KHDRBS1: variants seen among roughly 807,000 people sequenced by gnomAD.
KHDRBS1 encodes the protein KH RNA binding domain containing, signal transduction associated 1, also known as KH domain-containing, RNA-binding, signal transduction-associated protein 1.
In KHDRBS1, 7 loss-of-function variants were observed where a neutral mutation model predicts 48.4. The ratio of observed to expected loss-of-function variants is 0.14; its 90% CI spans 0.08 to 0.27. The LOEUF is 0.27. Ranked by LOEUF, KHDRBS1 falls within the 10% of genes least tolerant of loss-of-function variation. The pLI, the probability that KHDRBS1 is intolerant of heterozygous loss-of-function variation, is 1.00. For synonymous variants in KHDRBS1, 241 were observed against 235.8 expected (o/e 1.02, Z -0.20); for missense variants, 458 against 601.2 (o/e 0.76, Z 2.49).
downstream of KHDRBS1, among the ~76,000 whole-genome samples, chr1:32,047,661 A>G (rs1639373104): frequency 6.6e-6 from 1 of 152,178 alleles, no homozygotes. Context: ...AGAGTTAGTA[A>G]GTATCTCATT....
rs1469912792 is a variant in KHDRBS1 at position 32,051,698 on chromosome 1, A to G, written n.1301+6308A>G. 3.9e-5 allele frequency among the ~76,000 whole-genome samples: 6 copies of G among 152,210 alleles called. No homozygotes were observed. In the South Asian group the frequency reaches 1.0e-3, roughly 26 times the overall value. On this transcript the variant is annotated intron_variant and non_coding_transcript_variant, in intron 10 of 10. Transcript: ENST00000484270. Reference sequence around the variant, plus strand: ...GGGTGGACACTTGGCAGTGACAGTTACTATTGAGGGAATACTCTGACCCTT... The same window carrying G: ...GGGTGGACACTTGGCAGTGACAGTTGCTATTGAGGGAATACTCTGACCCTT...
intron 1 of KHDRBS1, among the ~76,000 whole-genome samples, chr1:32,017,664 A>G (rs1018096925): frequency 3.6e-5 from 5 of 137,932 alleles, no homozygotes; most frequent in Non-Finnish European, 7.5e-5. Flanking sequence ...CTGGAGTGCA[A>G]TGGCGCGATC....
At chr1:32,021,903 A>G (rs2057595) in intron 1 of KHDRBS1, among the ~76,000 whole-genome samples, 6,720 of 151,484 alleles carry the variant, frequency 0.044, 487 homozygotes, top group African/African-American at 0.15. Flanking sequence ...TGCCTGCCTC[A>G]GCCTCCCAAA....
At chr1:32,058,441 A>C (rs761413904) in intron 10 of KHDRBS1, among the ~76,000 whole-genome samples, 8 of 152,156 alleles carry the variant, frequency 5.3e-5, no homozygotes, top group Non-Finnish European at 1.2e-4. Context: ...TTTGGTTTCC[A>C]ATTCACAGGG....
intron 8 of KHDRBS1, among the ~76,000 whole-genome samples, chr1:32,040,099 A>G (rs554785663): frequency 6.6e-6 from 1 of 152,262 alleles, no homozygotes; most frequent in South Asian, 2.1e-4. Context: ...AGCTAGCCAG[A>G]CCAGGTTGCG....
At chr1:32,055,143 C>T (rs1425722963) in intron 10 of KHDRBS1, among the ~76,000 whole-genome samples, 1 of 152,058 alleles carries the variant, frequency 6.6e-6, no homozygotes, top group Non-Finnish European at 1.5e-5. Context: ...TTCCAGATTC[C>T]TGAAGTTTAA....
At position 32,020,889 on chromosome 1, in the gene KHDRBS1, GTC is replaced by G. The variant is rs113312429; in HGVS notation, c.382+6514_382+6515del. Among the ~76,000 whole-genome samples, 617 of 152,242 alleles carry G rather than the reference GTC, an allele frequency of 4.1e-3. 7 individuals carry two copies. Among genetic ancestry groups the G allele is most frequent in the African/African-American group, 0.014 (582 of 41,560 alleles). On this transcript the variant is annotated intron_variant, in intron 1 of 8. Coordinates refer to ENST00000327300, the MANE Select transcript of KHDRBS1 (RefSeq NM_006559.3). The stretch of plus-strand genomic sequence containing the variant: ...CTTGACTGAGGTGGTGGTCACATGA[GTC>G]TGATTAAATTGCATAGAACTAAGCA...
At position 32,038,651 on chromosome 1, in the gene KHDRBS1, T is replaced by G. The variant is rs374668837; in HGVS notation, c.1175+32T>G. ...CAGGCAGTATAAGCACTGTTTTTTG[T>G]CCTGAGGATGGATGGAGGGAGTTGG... On this transcript the variant is annotated intron_variant, in intron 7 of 8. Coordinates refer to ENST00000327300, the MANE Select transcript of KHDRBS1 (RefSeq NM_006559.3). 2.5e-6 allele frequency: 4 copies of G among 1,601,030 alleles called. No homozygotes were observed. The Admixed American group carries it at 5.0e-5, about 20-fold the overall frequency.
Position 32,017,230 on chromosome 1 carries a change from C to T in KHDRBS1, c.382+2853C>T, listed in dbSNP as rs185019045. Among the ~76,000 whole-genome samples the T allele has an allele frequency of 1.5e-3, 233 of 151,720 alleles. 1 individual carries two copies. The highest frequency in any genetic ancestry group is 5.3e-3 in the African/African-American group (220 of 41,324). On this transcript the variant is annotated intron_variant, in intron 1 of 8. Transcript: ENST00000327300. ...CCCAGATTGCACCATTGCACTCCAG[C>T]CTGGGTGAAGAAGCAAGACTCCGTC...
chr1:32,025,388 C>T (rs1444915409), intron 1 of KHDRBS1, among the ~76,000 whole-genome samples: 1 of 149,968 alleles, frequency 6.7e-6, no homozygotes, highest in African/African-American at 2.5e-5. Context: ...GTGACCTCCG[C>T]CTCCCGGGTT....
chr1:32,020,403 G>T (rs979859048), intron 1 of KHDRBS1, among the ~76,000 whole-genome samples: 3 of 150,510 alleles, frequency 2.0e-5, no homozygotes, highest in Non-Finnish European at 4.5e-5. Context: ...TCCAGCTTGG[G>T]CAACAGTGAG....
chr1:32,021,518 A>C (rs1174035375), intron 1 of KHDRBS1, among the ~76,000 whole-genome samples: 1 of 152,210 alleles, frequency 6.6e-6, no homozygotes, highest in Non-Finnish European at 1.5e-5. Flanking sequence ...TTCTGATTCC[A>C]AAAGATGATA....
At chr1:32,017,406 A>C (rs1638764109) in intron 1 of KHDRBS1, among the ~76,000 whole-genome samples, 1 of 152,098 alleles carries the variant, frequency 6.6e-6, no homozygotes, top group Non-Finnish European at 1.5e-5. Flanking sequence ...TGGAAGAGAA[A>C]TAATTTACCT....
At chr1:32,018,579 C>T (rs1484545578) in intron 1 of KHDRBS1, among the ~76,000 whole-genome samples, 1 of 151,182 alleles carries the variant, frequency 6.6e-6, no homozygotes, top group Non-Finnish European at 1.5e-5. Context: ...CACAGTGAAA[C>T]CCCGTCTCTA....
chr1:32,032,853 C>G (rs1451404153), intron 3 of KHDRBS1, among the ~76,000 whole-genome samples: 1 of 152,078 alleles, frequency 6.6e-6, no homozygotes, highest in Non-Finnish European at 1.5e-5. Context: ...CCATGCCCGG[C>G]TAATTTTTGT....
At chr1:32,026,550 GTC>G (rs1156414958) in intron 1 of KHDRBS1, among the ~76,000 whole-genome samples, 1 of 152,178 alleles carries the variant, frequency 6.6e-6, no homozygotes, top group East Asian at 1.9e-4. Flanking sequence ...TTATAGAAAG[GTC>G]TTATACTATC....
intron 10 of KHDRBS1, among the ~76,000 whole-genome samples, chr1:32,056,612 G>C (rs1639482349): frequency 1.3e-5 from 2 of 152,154 alleles, no homozygotes; most frequent in African/African-American, 4.8e-5. Context: ...TCTAACTCCA[G>C]CAGCCTTCAT....
chr1:32,035,289 T>C, intron 4 of KHDRBS1, among the ~76,000 whole-genome samples: 1 of 151,606 alleles, frequency 6.6e-6, no homozygotes, highest in South Asian at 2.1e-4. Context: ...GTTGGAGGAG[T>C]CTGAGCAATG....
chr1:32,014,539 C>T (rs1231059405), intron 1 of KHDRBS1, among the ~76,000 whole-genome samples, 162 bp downstream of exon 1: 2 of 152,234 alleles, frequency 1.3e-5, no homozygotes, highest in African/African-American at 4.8e-5. Flanking sequence ...CCCACCTCAG[C>T]CCGGAGTGCG....
Sources: gnomAD v4.1 joint callset for allele counts (sites outside exome capture counted in the v4.1 genomes callset) on GRCh38, gnomAD v4.1.1 for gene constraint, MANE v1.5 for transcripts, NCBI Gene and HGNC (gene_info 2026-07-23, HGNC 2026-07-21) for gene names.